Variants in TMEM116 observed in about 807,000 individuals in gnomAD.
The protein encoded by TMEM116 is transmembrane protein 116.
Under a neutral mutation model 44.3 loss-of-function variants are expected in TMEM116, and 38 were observed. The ratio of observed to expected loss-of-function variants is 0.86; its 90% confidence interval spans 0.66 to 1.12. TMEM116 has a LOEUF of 1.12. Among genes scored for constraint, TMEM116 ranks in the 50% most tolerant of loss-of-function variants. The pLI, the probability that TMEM116 is intolerant of heterozygous loss-of-function variation, is 0.00. For synonymous variants in TMEM116, 132 were observed against 144.8 expected, an observed-to-expected ratio of 0.91 and a Z score of 0.64; for missense variants, 354 against 401.7, an observed-to-expected ratio of 0.88 and a Z score of 1.01.
At chr12:111,987,531 A>G (rs1406928579) in intron 4 of TMEM116, among the ~76,000 whole-genome samples, 1 of 152,020 alleles carries the variant, frequency 6.6e-6, no homozygotes, top group Non-Finnish European at 1.5e-5. Flanking sequence ...AAAAGGGGGA[A>G]AGGACTTGAA....
chr12:111,959,835 A>G (rs550685804), intron 4 of TMEM116, among the ~76,000 whole-genome samples: 17 of 152,366 alleles, frequency 1.1e-4, no homozygotes, highest in African/African-American at 4.1e-4. Flanking sequence ...CACCCAATAC[A>G]GGAGCACCCA....
At chr12:111,958,277 TAAAAAAAAAAAAAAAAAAAA>T (rs61637468) in intron 4 of TMEM116, among the ~76,000 whole-genome samples, 2 of 27,494 alleles carry the variant, frequency 7.3e-5, no homozygotes, top group Non-Finnish European at 1.8e-4. Context: ...CAATAAATAC[TAAAAAAAAAAAAAAAAAAAA>T]AAAAAAAAAA....
chr12:112,002,874 C>T (rs1413746127), intron 3 of TMEM116, among the ~76,000 whole-genome samples: 1 of 152,178 alleles, frequency 6.6e-6, no homozygotes, highest in Non-Finnish European at 1.5e-5. Flanking sequence ...TATGCTTTGT[C>T]TAATTTTGTG....
chr12:111,966,089 T>C (rs1275261236), intron 4 of TMEM116, among the ~76,000 whole-genome samples: 1 of 152,208 alleles, frequency 6.6e-6, no homozygotes, highest in Non-Finnish European at 1.5e-5. Flanking sequence ...GCTGATCACC[T>C]GAGGTCAGGA....
intron 4 of TMEM116, among the ~76,000 whole-genome samples, chr12:111,974,717 C>A (rs1387069281): frequency 6.7e-6 from 1 of 149,944 alleles, no homozygotes; most frequent in African/African-American, 2.4e-5. Context: ...GAAAAAGTAA[C>A]ATTTTTATTT....
At chr12:111,950,806 T>G (rs965979098) in intron 4 of TMEM116, among the ~76,000 whole-genome samples, 8 of 152,024 alleles carry the variant, frequency 5.3e-5, no homozygotes, top group African/African-American at 1.9e-4. Context: ...CAAAAGCAAT[T>G]GCAAAAAATG....
chr12:111,984,941 A>AT (rs1310743151), intron 4 of TMEM116, among the ~76,000 whole-genome samples: 1 of 152,148 alleles, frequency 6.6e-6, no homozygotes, highest in Non-Finnish European at 1.5e-5. Context: ...CATTTCATAA[A>AT]CGAAAAAGCA....
chr12:111,963,428 G>A (rs897860487), intron 4 of TMEM116, among the ~76,000 whole-genome samples: 1 of 152,146 alleles, frequency 6.6e-6, no homozygotes, highest in Non-Finnish European at 1.5e-5. Context: ...CAACCCAAAT[G>A]CCCGTCAATG....
chr12:111,933,913 C>T lies in TMEM116; in HGVS notation c.706G>A (p.Val236Met). 6.2e-7 allele frequency: 1 copy of T among 1,614,100 alleles called. No homozygotes were observed. The change falls in exon 9 of 11, where the codon GTG (valine) becomes ATG (methionine). Residue 236 changes from valine (V) to methionine (M), a missense_variant. Val to Met is a conservative substitution (Grantham distance 21). Coordinates refer to ENST00000552374, the MANE Select transcript of TMEM116 (RefSeq NM_001193531.2). ...IVDQRVRFYP[V>M]AFFCCWGPAV... is the part of the protein sequence containing the mutation. The stretch of plus-strand genomic sequence containing the variant: ...GGGCCCCAGCAGCAAAAGAAGGCCA[C>T]TGGGTAGAAGCGCACCCGTTGGTCC...
intron 3 of TMEM116, chr12:112,000,891 C>A (rs2077216687): frequency 1.6e-5 from 7 of 424,342 alleles, no homozygotes; most frequent in South Asian, 8.9e-5. Context: ...TATTCTCCAG[C>A]CAATGTTCTT....
At chr12:111,946,794 A>C (rs1181226428) in intron 4 of TMEM116, among the ~76,000 whole-genome samples, 5 of 152,042 alleles carry the variant, frequency 3.3e-5, no homozygotes, top group African/African-American at 1.2e-4. Flanking sequence ...TCTGATTAAA[A>C]CCCATTTATG....
chr12:111,977,013 A>G (rs912831238), intron 4 of TMEM116, among the ~76,000 whole-genome samples: 2 of 152,170 alleles, frequency 1.3e-5, no homozygotes, highest in Non-Finnish European at 2.9e-5. Context: ...TGGAATTACC[A>G]GAGGGAGAAG....
chr12:112,001,408 T>C (rs1431806842), intron 3 of TMEM116, among the ~76,000 whole-genome samples: 1 of 152,136 alleles, frequency 6.6e-6, no homozygotes, highest in Non-Finnish European at 1.5e-5. Flanking sequence ...TGAACTCCTG[T>C]GCTCAAGCAA....
intron 4 of TMEM116, among the ~76,000 whole-genome samples, chr12:111,970,921 T>C (rs1304562816): frequency 6.6e-6 from 1 of 151,976 alleles, no homozygotes; most frequent in African/African-American, 2.4e-5. Flanking sequence ...GAAAAAAACA[T>C]AAAAGCAACC....
At chr12:111,957,888 G>A (rs570954907) in intron 4 of TMEM116, among the ~76,000 whole-genome samples, 2 of 152,364 alleles carry the variant, frequency 1.3e-5, no homozygotes, top group African/African-American at 4.8e-5. Context: ...TGTCTGTGTA[G>A]AAAGAAGTAG....
chr12:111,941,374 CAAAAA>C (rs539600816), intron 5 of TMEM116, among the ~76,000 whole-genome samples: 1 of 60,380 alleles, frequency 1.7e-5, no homozygotes, highest in African/African-American at 5.8e-5. Flanking sequence ...GATTCCATCT[CAAAAA>C]AAAAAAAAAA....
At chr12:111,938,336 G>T in intron 5 of TMEM116, 126 bp from the exon 6 acceptor site, 2 of 574,174 alleles carry the variant, frequency 3.5e-6, no homozygotes, top group Non-Finnish European at 2.9e-6. Context: ...CTTCTGTCAA[G>T]CAATATTTGC....
At chr12:111,961,812 C>G (rs1160801208) in intron 4 of TMEM116, among the ~76,000 whole-genome samples, 1 of 152,174 alleles carries the variant, frequency 6.6e-6, no homozygotes, top group Non-Finnish European at 1.5e-5. Flanking sequence ...ATTGGAAGTT[C>G]TGGTCAGGGC....
chr12:111,933,567 C>A (rs2071847358), intron 9 of TMEM116, among the ~76,000 whole-genome samples: 1 of 149,928 alleles, frequency 6.7e-6, no homozygotes, highest in Non-Finnish European at 1.5e-5. Flanking sequence ...TGGCTCACTG[C>A]AAGCTCCACC....
Sources: allele counts gnomAD v4.1 joint callset (sites outside exome capture counted in the v4.1 genomes callset), GRCh38; gene constraint gnomAD v4.1.1; transcripts MANE v1.5; gene names NCBI Gene and HGNC (gene_info 2026-07-23, HGNC 2026-07-21).